FANCD2OS: variants seen among roughly 807,000 people sequenced by gnomAD.
FANCD2OS encodes the protein FANCD2 opposite strand protein.
In FANCD2OS, 11 loss-of-function variants were observed where a neutral mutation model predicts 13.2. The observed-to-expected ratio is 0.83, with a 90% confidence interval of 0.52 to 1.38. The LOEUF is 1.38. FANCD2OS is among the 40% of genes most tolerant of loss of function. The probability of loss-of-function intolerance (pLI) is 0.00; values close to 1 mark genes in which losing one functional copy is unlikely to be tolerated. For missense variants in FANCD2OS, 217 were observed against 213.9 expected (o/e 1.01, Z -0.09); for synonymous variants, 69 against 84.5 (o/e 0.82, Z 1.01).
chr3:10,105,104 G>A (rs559303962), intron 1 of FANCD2OS, among the ~76,000 whole-genome samples: 1 of 152,120 alleles, frequency 6.6e-6, no homozygotes. Flanking sequence ...CCACCGCCTC[G>A]GCCTCCCAAA....
upstream of FANCD2OS, chr3:10,108,280 G>T (rs1303264331): frequency 2.0e-5 from 3 of 152,246 alleles, no homozygotes; most frequent in African/African-American, 4.8e-5. Flanking sequence ...CCAAAGTGGC[G>T]GCCGCTGTTC....
chr3:10,099,475 TA>T (rs1695175061), downstream of FANCD2OS: 1 of 355,804 alleles, frequency 2.8e-6, no homozygotes, highest in Non-Finnish European at 4.2e-6. Flanking sequence ...AAATGAAAAA[TA>T]AACCTGGGTG....
chr3:10,090,651 G>C (rs974315136), intron 2 of FANCD2OS, among the ~76,000 whole-genome samples: 4 of 151,808 alleles, frequency 2.6e-5, no homozygotes, highest in Non-Finnish European at 5.9e-5. Flanking sequence ...GTAGAGACAG[G>C]GTTTCACCAT....
chr3:10,087,710 C>T (rs1224421160), intron 2 of FANCD2OS, among the ~76,000 whole-genome samples: 1 of 151,758 alleles, frequency 6.6e-6, no homozygotes, highest in Non-Finnish European at 1.5e-5. Context: ...TGCAGTGGTG[C>T]GATGTTGGCT....
At chr3:10,091,261 A>G (rs985112739) in intron 2 of FANCD2OS, among the ~76,000 whole-genome samples, 3 of 151,122 alleles carry the variant, frequency 2.0e-5, no homozygotes, top group Non-Finnish European at 4.4e-5. Context: ...TTCTATTTTT[A>G]GTAGAGGCGG....
chr3:10,089,003 C>T (rs1051378096), intron 2 of FANCD2OS: 18 of 1,602,636 alleles, frequency 1.1e-5, no homozygotes, highest in Non-Finnish European at 1.5e-5. Context: ...CATCATCAGG[C>T]TGGGCACGGT....
At chr3:10,099,806 T>G (rs1462907915), downstream of FANCD2OS, 1 of 152,098 alleles carries the variant, frequency 6.6e-6, no homozygotes, top group South Asian at 2.1e-4. Flanking sequence ...ACAATTCAGG[T>G]AGGTTATAGA....
chr3:10,105,053 A>G (rs1203485440), intron 1 of FANCD2OS, among the ~76,000 whole-genome samples: 1 of 152,074 alleles, frequency 6.6e-6, no homozygotes, highest in African/African-American at 2.4e-5. Flanking sequence ...GAGTTTTGCC[A>G]TGTTGGCCAG....
At chr3:10,101,228 A>G (rs148211192), downstream of FANCD2OS, 18 of 1,613,374 alleles carry the variant, frequency 1.1e-5, no homozygotes, top group Admixed American at 6.7e-5. Flanking sequence ...GAAAAGGAGC[A>G]AGATAGTGAT....
At chr3:10,096,997 G>A (rs1167028102) in intron 2 of FANCD2OS, among the ~76,000 whole-genome samples, 1 of 152,130 alleles carries the variant, frequency 6.6e-6, no homozygotes, top group Non-Finnish European at 1.5e-5. Flanking sequence ...TTAAAGCTGG[G>A]CGTCCGGGGG....
At chr3:10,087,097 A>G (rs780226145) in intron 2 of FANCD2OS, 1 of 1,611,722 alleles carries the variant, frequency 6.2e-7, no homozygotes, top group East Asian at 2.2e-5. Context: ...CACATAGGAT[A>G]CTATTGCATT....
chr3:10,089,743 C>T (rs1694471288), intron 2 of FANCD2OS, among the ~76,000 whole-genome samples: 1 of 152,208 alleles, frequency 6.6e-6, no homozygotes, highest in Non-Finnish European at 1.5e-5. Context: ...GCTGGGATTA[C>T]AGGCATGAGC....
In FANCD2OS at chr3:10,085,649, C is replaced by CGAA. The variant is rs1368641820; in HGVS notation, c.*44-4121_*44-4119dup. ...TCGTTATTCGCCCGCCTCAGCCTCC[C>CGAA]GAAGTGCTGGGATTACAGGTGTGAG... is the stretch of plus-strand genomic sequence containing the variant. On this transcript the variant is annotated intron_variant, in intron 2 of 2. Coordinates refer to the FANCD2OS transcript ENST00000524279. 2.1e-5 allele frequency: 13 copies of CGAA among 625,838 alleles called. No individual in the cohort carries two copies. The East Asian group carries it at 2.8e-4, about 13-fold the overall frequency. 38.8% of individuals were successfully genotyped at this position (625,838 alleles called of 1,614,324 possible).
downstream of FANCD2OS, among the ~76,000 whole-genome samples, chr3:10,102,197 G>A (rs1695329437): frequency 6.8e-6 from 1 of 146,400 alleles, no homozygotes; most frequent in African/African-American, 2.6e-5. Flanking sequence ...AGGCTGGAGT[G>A]CAGTGGCACG....
At chr3:10,081,485 G>T (rs901830839) in exon 3 of FANCD2OS, 5 of 1,471,458 alleles carry the variant, frequency 3.4e-6, no homozygotes, top group Non-Finnish European at 4.8e-6. Context: ...GGGAAGTGTG[G>T]AGAGAACTGA....
Position 10,104,557 on chromosome 3 carries a change from G to C in FANCD2OS, c.218C>G (p.Pro73Arg). 1 of 1,614,184 alleles carries C rather than the reference G, an allele frequency of 6.2e-7. No individual in the cohort carries two copies. The highest frequency in any genetic ancestry group is 8.5e-7 in the Non-Finnish European group (1 of 1,180,038). The change falls in exon 2 of 2, where the codon CCC becomes CGC. Residue 73 changes from proline (P) to arginine (R), a missense_variant. By Grantham distance (103) the Pro-to-Arg change is moderately radical (BLOSUM62 -2). Transcript: ENST00000450660. The part of the protein sequence containing the change: ...FLESGVSPKL[P>R]CHTSELRTMN... ...CGTGCGCAACTCTGATGTGTGGCAG[G>C]GTAACTTGGGACTCACTCCAGATTC... is the stretch of plus-strand genomic sequence containing the variant.
At chr3:10,106,158 T>G (rs1695491087) in intron 1 of FANCD2OS, among the ~76,000 whole-genome samples, 1 of 152,118 alleles carries the variant, frequency 6.6e-6, no homozygotes, top group Admixed American at 6.6e-5. Flanking sequence ...AGAAAACACT[T>G]CCAAAGTCCA....
chr3:10,100,321 C>T (rs770047071), downstream of FANCD2OS, among the ~76,000 whole-genome samples: 11 of 152,340 alleles, frequency 7.2e-5, no homozygotes, highest in Admixed American at 2.6e-4. Context: ...ATACTAGTAT[C>T]GTAAGCCAGA....
chr3:10,099,138 T>C, downstream of FANCD2OS: 1 of 1,471,702 alleles, frequency 6.8e-7, no homozygotes, highest in Non-Finnish European at 8.9e-7. Flanking sequence ...AAGTATTTTC[T>C]GAGTGTTGAG....
Sources: gnomAD v4.1 joint callset for allele counts (sites outside exome capture counted in the v4.1 genomes callset) on GRCh38, gnomAD v4.1.1 for gene constraint, MANE v1.5 for transcripts, NCBI Gene and HGNC (gene_info 2026-07-23, HGNC 2026-07-21) for gene names.